The following DNAH17 variants were observed in gnomAD, a reference collection of about 807,000 sequenced individuals.
DNAH17 encodes the protein dynein axonemal heavy chain 17, also known as axonemal beta dynein heavy chain 17.
DNAH17 carries 376 observed loss-of-function variants against 485.6 expected under a neutral mutation model. The observed-to-expected ratio is 0.77, with a 90% CI of 0.71 to 0.84. DNAH17 has a LOEUF of 0.84. DNAH17 is among the 40% of genes least tolerant of loss of function. The probability of loss-of-function intolerance (pLI) is 0.00; values close to 1 mark genes in which losing one functional copy is unlikely to be tolerated. For synonymous variants in DNAH17, 3,031 were observed against 2,405.9 expected, an observed-to-expected ratio of 1.26 and a Z score of -7.60; for missense variants, 6,370 against 5,839.3, an observed-to-expected ratio of 1.09 and a Z score of -2.96.
rs1350088041 is a variant in DNAH17, at chr17:78,423,783, C to T, written c.*123G>A. The T allele has an allele frequency of 7.6e-7, 1 of 1,307,412 alleles. No individual in the cohort carries two copies. Among genetic ancestry groups the T allele is most frequent in the Non-Finnish European group, 1.1e-6 (1 of 943,640 alleles). The allele number at this position is 1,307,412 out of a possible 1,614,324, so 81.0% of individuals were successfully genotyped here. ...TCCGATGTGCTTGGTTACAAAGCAC[C>T]TGATTATTTAAGAGAACGAAAAACC... On this transcript the variant is annotated 3_prime_UTR_variant, in exon 81 of 81. Transcript: ENST00000389840.
chr17:78,488,566 C>A (rs943006006), intron 44 of DNAH17, among the ~76,000 whole-genome samples: 4 of 152,076 alleles, frequency 2.6e-5, no homozygotes, highest in African/African-American at 9.7e-5. Flanking sequence ...CCTACCCAGG[C>A]TTCATTTCAG....
At chr17:78,495,772 A>G in intron 38 of DNAH17, 103 bp downstream of exon 38, 1 of 1,388,342 alleles carries the variant, frequency 7.2e-7, no homozygotes, top group Non-Finnish European at 9.7e-7. Flanking sequence ...TTCCCTCCCC[A>G]GCTTGCCCTC....
At chr17:78,468,961 G>C in intron 54 of DNAH17, 78 bp from the exon 55 acceptor site, 1 of 1,501,800 alleles carries the variant, frequency 6.7e-7, no homozygotes, top group Non-Finnish European at 8.9e-7. Context: ...ACCAACCAGA[G>C]CACAGGGCCA....
rs1258978842 is a variant in DNAH17, at chr17:78,430,808, C to T, written c.12226-1508G>A. Among the ~76,000 whole-genome samples, 12 of 152,228 alleles carry T rather than the reference C, an allele frequency of 7.9e-5. No individual in the cohort carries two copies. The East Asian group carries it at 1.9e-3, about 24-fold the overall frequency. On this transcript the variant is annotated intron_variant, in intron 75 of 80. Transcript: ENST00000389840. ...TGTTGGCCAGGCTGGTCTCGAACTC[C>T]TGACCTCAGGGGATCTGCCTGCCTC...
chr17:78,574,451 T>C lies in DNAH17; in HGVS notation c.345+262A>G, dbSNP rs1378276434. Among the ~76,000 whole-genome samples, 3 of 151,584 alleles carry C rather than the reference T, an allele frequency of 2.0e-5. No homozygotes were observed. In the East Asian group the frequency reaches 5.8e-4, roughly 29 times the overall value. On this transcript the variant is annotated intron_variant, in intron 2 of 80. Transcript: ENST00000389840. ...TTAGGAGGTTGAGGCTGCAGTGAGC[T>C]GTGCTCCCACCACTGCACTCCAGCC...
intron 1 of DNAH17, among the ~76,000 whole-genome samples, chr17:78,575,555 G>A (rs192333025): frequency 6.6e-6 from 1 of 152,270 alleles, no homozygotes; most frequent in African/African-American, 2.4e-5. Flanking sequence ...CGTGCAGGCC[G>A]TGAGGCTCAG....
intron 25 of DNAH17, among the ~76,000 whole-genome samples, chr17:78,519,891 C>T (rs1378646117): frequency 6.6e-6 from 1 of 152,150 alleles, no homozygotes; most frequent in East Asian, 1.9e-4. Context: ...GGGTGGATCA[C>T]CTGCGGTCAG....
At chr17:78,516,060 T>C (rs897144794) in intron 25 of DNAH17, among the ~76,000 whole-genome samples, 1 of 152,202 alleles carries the variant, frequency 6.6e-6, no homozygotes, top group Non-Finnish European at 1.5e-5. Context: ...TGAGAAGATC[T>C]GGACTTGAGA....
Position 78,570,952 on chromosome 17 carries a change from G to T in DNAH17, c.914C>A (p.Thr305Lys). 6.3e-7 allele frequency: 1 copy of T among 1,585,396 alleles called. No individual in the cohort carries two copies. The highest frequency in any genetic ancestry group is 8.6e-7 in the Non-Finnish European group (1 of 1,166,064). The stretch of plus-strand genomic sequence containing the variant: ...GGCTCTCCCTTGCCTGCGCACCATC[G>T]TGAAGTCGGCTTGTTCCATCTCCTC... ...LLEEMEQADFTMLPTFIAKVL... is the reference protein window; with the variant it reads ...LLEEMEQADFKMLPTFIAKVL... The change falls in exon 6 of 81, where the codon ACG becomes AAG. Residue 305 changes from threonine (T) to lysine (K), a missense_variant. By Grantham distance (78) the Thr-to-Lys change is moderately conservative. Coordinates refer to ENST00000389840, the MANE Select transcript of DNAH17 (RefSeq NM_173628.4).
rs1279004742 is a variant in DNAH17, at chr17:78,461,500, G to C, written c.9339+44C>G. Reference sequence around the variant, plus strand: ...CGTGGAAGCCCAGGAGGCCTGGCCAGTGCAGCAGCCTTCCTGAAGGCACGC... The same window carrying C: ...CGTGGAAGCCCAGGAGGCCTGGCCACTGCAGCAGCCTTCCTGAAGGCACGC... On this transcript the variant is annotated intron_variant, in intron 58 of 80. Coordinates refer to ENST00000389840, the MANE Select transcript of DNAH17 (RefSeq NM_173628.4). 1.0e-5 allele frequency: 15 copies of C among 1,507,460 alleles called. No individual in the cohort carries two copies. In the Admixed American group the frequency reaches 2.6e-4, roughly 26 times the overall value. 93.4% of individuals were successfully genotyped at this position (1,507,460 alleles called of 1,614,324 possible). A position where few individuals can be genotyped will look rare whatever the true frequency, so the allele number is the denominator to read the frequency against.
In DNAH17 at chr17:78,575,035, C is replaced by G. The variant is rs374822671; in HGVS notation, c.23G>C (p.Arg8Thr). The stretch of plus-strand genomic sequence containing the variant: ...GGCAACTTCCTCCAGATACTCTAGT[C>G]TGACGTCCGGGGCCATTGTCATCTT... MTMAPDV[R>T]LEYLEEVASI... Residue 8 changes from arginine (R) to threonine (T), a missense_variant, in exon 2 of 81, where the codon AGA becomes ACA. Arg to Thr is a moderately conservative substitution (Grantham distance 71). Transcript: ENST00000389840. The G allele has an allele frequency of 1.2e-6, 2 of 1,613,516 alleles. No individual in the cohort carries two copies. The highest frequency in any genetic ancestry group is 2.2e-5 in the East Asian group (1 of 44,880).
At position 78,560,815 on chromosome 17, in the gene DNAH17, G is replaced by A. The variant is rs1266931170; in HGVS notation, c.1956C>T (p.Cys652=). The A allele has an allele frequency of 5.8e-6, 9 of 1,551,814 alleles. No homozygotes were observed. In the East Asian group the frequency reaches 2.2e-4, roughly 38 times the overall value. ...QQWVAGVDQD[C]HFNLGQPLIL... The stretch of plus-strand genomic sequence containing the variant: ...TCAGCGGCTGCCCCAGGTTAAAGTG[G>A]CAGTCCTGGTCCACGCCCGCCACCC... The change falls in exon 13 of 81, where the codon TGC becomes TGT. Residue 652 remains cysteine (C), a synonymous_variant. Coordinates refer to ENST00000389840, the MANE Select transcript of DNAH17 (RefSeq NM_173628.4).
rs752725452 is a variant in DNAH17 at position 78,532,554 on chromosome 17, C to T, written c.3042G>A (p.Ala1014=). 6.2e-5 allele frequency: 100 copies of T among 1,610,510 alleles called. No homozygotes were observed. The highest frequency in any genetic ancestry group is 2.0e-4 in the Admixed American group (12 of 59,524). The part of the protein sequence containing the change: ...NFLIYGCAVT[A]EDLDTWTDDT... ...CATCTGTCCAGGTGTCCAAGTCCTC[C>T]GCAGTGACTGCACACCCATATATCA... The change falls in exon 20 of 81, where the codon GCG becomes GCA. Residue 1014 remains alanine, a synonymous_variant. Transcript: ENST00000389840.
chr17:78,463,015 C>G lies in DNAH17; in HGVS notation c.9003G>C (p.Met3001Ile). The change falls in exon 57 of 81, where the codon ATG (methionine) becomes ATC (isoleucine). Residue 3001 changes from methionine to isoleucine, a missense_variant. Transcript: ENST00000389840. The stretch of plus-strand genomic sequence containing the variant: ...TCTCAGTAGCCAGGTATACCCTGGA[C>G]ATCTCGTTGACGGTGGTGTGCACGT... ...MSYVHTTVNEMSRVYLATERR... is the reference protein window; with the variant it reads ...MSYVHTTVNEISRVYLATERR... The G allele has an allele frequency of 6.2e-7, 1 of 1,613,988 alleles. No homozygotes were observed. The highest frequency in any genetic ancestry group is 8.5e-7 in the Non-Finnish European group (1 of 1,179,890).
At position 78,437,952 on chromosome 17, in the gene DNAH17, G is replaced by A. The variant is rs1157315313; in HGVS notation, c.11806-84C>T. On this transcript the variant is annotated intron_variant, in intron 73 of 80. Transcript: ENST00000389840. ...AGACTGGCACGTGGCTATGTTCCCT[G>A]GTGAGGGCAGGGCTCTTCTGCCAGC... 4.8e-6 allele frequency: 5 copies of A among 1,033,562 alleles called. No individual in the cohort carries two copies. In the African/African-American group the frequency reaches 6.3e-5, roughly 13 times the overall value. The allele number at this position is 1,033,562 out of a possible 1,614,324, so 64.0% of individuals were successfully genotyped here.
chr17:78,547,719 G>A (rs8072446), intron 16 of DNAH17, among the ~76,000 whole-genome samples: 38,765 of 151,262 alleles, frequency 0.26, 5,342 homozygotes, highest in East Asian at 0.48. Context: ...CCAGGTTCAA[G>A]CAATTCTCCT....
chr17:78,503,897 T>C (rs2090394387), intron 31 of DNAH17, among the ~76,000 whole-genome samples: 1 of 151,422 alleles, frequency 6.6e-6, no homozygotes, highest in Non-Finnish European at 1.5e-5. Context: ...ACCCGAGAAG[T>C]GGAGGTTGCA....
chr17:78,470,068 T>TG (rs2088675341), intron 54 of DNAH17, among the ~76,000 whole-genome samples: 1 of 84,826 alleles, frequency 1.2e-5, no homozygotes, highest in Non-Finnish European at 2.2e-5. Flanking sequence ...AATGTCTTAC[T>TG]CTTTTTTTTT....
rs541906479 is a variant in DNAH17, at chr17:78,513,628, G to T, written c.4113+1146C>A. On this transcript the variant is annotated intron_variant, in intron 26 of 80. Transcript: ENST00000389840. ...TTTTTGTATTTTTAGCAGGGATGGG[G>T]TTTCACCATGTTGGCCAGGCTGGTC... Among the ~76,000 whole-genome samples the T allele has an allele frequency of 1.4e-4, 21 of 152,228 alleles. No individual in the cohort carries two copies. In the South Asian group the frequency reaches 4.2e-3, roughly 30 times the overall value.
Sources: allele counts gnomAD v4.1 joint callset (sites outside exome capture counted in the v4.1 genomes callset), GRCh38; gene constraint gnomAD v4.1.1; transcripts MANE v1.5; gene names NCBI Gene and HGNC (gene_info 2026-07-23, HGNC 2026-07-21).